The following PLXNA4 variants were observed in gnomAD, a reference collection of about 807,000 sequenced individuals.
PLXNA4 encodes plexin A4.
Under a neutral mutation model 191.8 loss-of-function variants are expected in PLXNA4, and 44 were observed. The observed-to-expected ratio is 0.23, with a 90% CI of 0.18 to 0.29. The LOEUF (loss-of-function observed/expected upper bound fraction) is 0.29. Among genes scored for constraint, PLXNA4 ranks in the 10% least tolerant of loss-of-function variants. The pLI, the probability that PLXNA4 is intolerant of heterozygous loss-of-function variation, is 1.00. For synonymous variants in PLXNA4, 1,082 were observed against 1,009.5 expected, an observed-to-expected ratio of 1.07 and a Z score of -1.36; for missense variants, 1,800 against 2,488.8, an observed-to-expected ratio of 0.72 and a Z score of 5.89.
At chr7:132,385,661 C>A (rs1023317989) in intron 3 of PLXNA4, among the ~76,000 whole-genome samples, 4 of 152,196 alleles carry the variant, frequency 2.6e-5, no homozygotes, top group African/African-American at 9.6e-5. Flanking sequence ...ACCTCAAAGC[C>A]CCATCTTACC....
chr7:132,206,474 GCA>G (rs1384545603), intron 10 of PLXNA4, among the ~76,000 whole-genome samples: 1 of 150,768 alleles, frequency 6.6e-6, no homozygotes, highest in Non-Finnish European at 1.5e-5. Context: ...GTGTGTGTGC[GCA>G]TGTGTGCAAG....
At chr7:132,516,120 T>C (rs1371571652) in intron 1 of PLXNA4, among the ~76,000 whole-genome samples, 1 of 152,198 alleles carries the variant, frequency 6.6e-6, no homozygotes, top group Non-Finnish European at 1.5e-5. Context: ...TTCAAGTAAA[T>C]CTTTGAGCCA....
chr7:132,412,985 T>C (rs888882899), intron 3 of PLXNA4, among the ~76,000 whole-genome samples: 2 of 151,304 alleles, frequency 1.3e-5, no homozygotes, highest in Non-Finnish European at 2.9e-5. Flanking sequence ...GAAACAAAGA[T>C]CTGAGGTCTT....
chr7:132,487,496 G>C (rs1320589488), intron 3 of PLXNA4, among the ~76,000 whole-genome samples: 2 of 152,182 alleles, frequency 1.3e-5, no homozygotes. Context: ...GACCAAATTT[G>C]CCAAATCCTA....
At chr7:132,134,890 C>A (rs181004526) in intron 30 of PLXNA4, among the ~76,000 whole-genome samples, 2 of 152,292 alleles carry the variant, frequency 1.3e-5, no homozygotes, top group Admixed American at 6.5e-5. Context: ...CCCAGAAGAG[C>A]CTGTTCTCTT....
At position 132,429,183 on chromosome 7, in the gene PLXNA4, C is replaced by T. The variant is rs995418595; in HGVS notation, c.1371+60109G>A. ...TGAGAAAGACCAAGAGAGAAAAGGT[C>T]TTGCCCCAAGCCAACAGAACTCAGG... On this transcript the variant is annotated intron_variant, in intron 3 of 31. Coordinates refer to ENST00000321063, the MANE Select transcript of PLXNA4 (RefSeq NM_020911.2). Among the ~76,000 whole-genome samples the T allele has an allele frequency of 3.3e-5, 5 of 152,310 alleles. No individual in the cohort carries two copies. The East Asian group carries it at 5.8e-4, about 18-fold the overall frequency.
chr7:132,433,161 G>C (rs1288230522), intron 3 of PLXNA4, among the ~76,000 whole-genome samples: 1 of 152,150 alleles, frequency 6.6e-6, no homozygotes. Context: ...TTCTATAAAT[G>C]TTCCTTTACT....
At chr7:132,224,011 A>T (rs772105484) in intron 8 of PLXNA4, among the ~76,000 whole-genome samples, 1 of 152,170 alleles carries the variant, frequency 6.6e-6, no homozygotes, top group Non-Finnish European at 1.5e-5. Context: ...TTTGTATGCA[A>T]ATTGACTCCG....
intron 3 of PLXNA4, among the ~76,000 whole-genome samples, chr7:132,471,191 G>C (rs934185571): frequency 6.6e-6 from 1 of 152,020 alleles, no homozygotes; most frequent in East Asian, 1.9e-4. Context: ...CTCTCGATTC[G>C]CCTTCTGCCA....
intron 1 of PLXNA4, among the ~76,000 whole-genome samples, chr7:132,565,041 A>G (rs1166875329): frequency 1.3e-5 from 2 of 152,158 alleles, no homozygotes; most frequent in African/African-American, 4.8e-5. Flanking sequence ...CAGATCAGCA[A>G]ACACACGGGA....
rs1012195598 is a variant in PLXNA4 at position 132,424,025 on chromosome 7, C to T, written c.1371+65267G>A. ...TCAGCTCCCAGAACATGCCCTTTGC[C>T]TCTAACCACGAGCAGGGGTCACCTG... On this transcript the variant is annotated intron_variant, in intron 3 of 31. Transcript: ENST00000321063. Among the ~76,000 whole-genome samples, 6 of 152,290 alleles carry T rather than the reference C, an allele frequency of 3.9e-5. No individual in the cohort carries two copies. In the South Asian group the frequency reaches 1.2e-3, roughly 32 times the overall value.
At chr7:132,311,830 C>T (rs1230796570) in intron 3 of PLXNA4, among the ~76,000 whole-genome samples, 1 of 152,086 alleles carries the variant, frequency 6.6e-6, no homozygotes, top group African/African-American at 2.4e-5. Flanking sequence ...AAAATCTGTT[C>T]CCAAAGAGAC....
rs958275198 is a variant in PLXNA4 at position 132,186,582 on chromosome 7, C to T, written c.2993+889G>A. Among the ~76,000 whole-genome samples, 8 of 152,152 alleles carry T rather than the reference C, an allele frequency of 5.3e-5. 1 individual carries two copies. The highest frequency in any genetic ancestry group is 2.6e-4 in the Admixed American group (4 of 15,282). On this transcript the variant is annotated intron_variant, in intron 15 of 31. Coordinates refer to ENST00000321063, the MANE Select transcript of PLXNA4 (RefSeq NM_020911.2). ...CTTTGTTAGGCAGGAGGAGTACTTCCAAGCCATAAGGTGATTGAAACCACC... is the reference window on the plus strand; with the variant it reads ...CTTTGTTAGGCAGGAGGAGTACTTCTAAGCCATAAGGTGATTGAAACCACC...
In PLXNA4 at chr7:132,159,648, G is replaced by A; in HGVS notation, c.4501-16C>T. ...AGCTCAGGACCTGAAGGAAAGGTGG[G>A]GAGAGGAAGCATATGAAATGGGGTA... On this transcript the variant is annotated splice_polypyrimidine_tract_variant and intron_variant, in intron 24 of 31. Coordinates refer to ENST00000321063, the MANE Select transcript of PLXNA4 (RefSeq NM_020911.2). 1 of 1,613,372 alleles carries A rather than the reference G, an allele frequency of 6.2e-7. No individual in the cohort carries two copies. The highest frequency in any genetic ancestry group is 8.5e-7 in the Non-Finnish European group (1 of 1,179,554).
chr7:132,646,993 ACACACATACACT>A (rs1332626826), intron 1 of PLXNA4, among the ~76,000 whole-genome samples: 2 of 151,948 alleles, frequency 1.3e-5, no homozygotes, highest in African/African-American at 4.8e-5. Flanking sequence ...GCTATCATAT[ACACACATACACT>A]CACACATACA....
intron 2 of PLXNA4, among the ~76,000 whole-genome samples, chr7:132,495,125 A>T (rs1797959480): frequency 6.6e-6 from 1 of 152,118 alleles, no homozygotes; most frequent in East Asian, 1.9e-4. Context: ...CTGATCCCCA[A>T]ATCCTCCCCT....
intron 9 of PLXNA4, among the ~76,000 whole-genome samples, chr7:132,219,686 T>A (rs1401968799): frequency 6.6e-6 from 1 of 152,176 alleles, no homozygotes; most frequent in Non-Finnish European, 1.5e-5. Context: ...CCTGCTACTA[T>A]ATCTTCCCAG....
intron 14 of PLXNA4, among the ~76,000 whole-genome samples, chr7:132,189,570 G>A (rs2116796708): frequency 1.3e-5 from 2 of 152,266 alleles, no homozygotes; most frequent in East Asian, 1.9e-4. Flanking sequence ...TCTAGCCTTG[G>A]TACTAAAAAG....
At chr7:132,240,942 A>T in intron 5 of PLXNA4, 124 bp downstream of exon 5, 1 of 615,722 alleles carries the variant, frequency 1.6e-6, no homozygotes, top group South Asian at 3.2e-5. Flanking sequence ...GCAAGGAAGG[A>T]AGAGCAAGAA....
Sources: allele counts gnomAD v4.1 joint callset (sites outside exome capture counted in the v4.1 genomes callset), GRCh38; gene constraint gnomAD v4.1.1; transcripts MANE v1.5; gene names NCBI Gene and HGNC (gene_info 2026-07-23, HGNC 2026-07-21).